Variants in SNTG2 observed in about 807,000 individuals in gnomAD.
SNTG2 encodes syntrophin gamma 2.
SNTG2 carries 74 observed loss-of-function variants against 70.9 expected under a neutral mutation model. The ratio of observed to expected loss-of-function variants is 1.04; its 90% CI spans 0.86 to 1.27. The LOEUF (loss-of-function observed/expected upper bound fraction) is 1.27, where lower values mean the gene tolerates loss of function less well. Among genes scored for constraint, SNTG2 ranks in the 50% most tolerant of loss-of-function variants. The probability of loss-of-function intolerance (pLI) is 0.00; values close to 1 mark genes in which losing one functional copy is unlikely to be tolerated. For missense variants in SNTG2, 717 were observed against 690.7 expected (o/e 1.04, Z -0.43); for synonymous variants, 278 against 273.8 (o/e 1.02, Z -0.15).
intron 14 of SNTG2, among the ~76,000 whole-genome samples, chr2:1,270,192 A>G (rs548133289): frequency 1.3e-5 from 2 of 152,172 alleles, no homozygotes; most frequent in Non-Finnish European, 1.5e-5. Context: ...CCTGACTCCT[A>G]TCAGATCTGC....
At chr2:957,619 C>G (rs565540170) in intron 1 of SNTG2, among the ~76,000 whole-genome samples, 1 of 152,160 alleles carries the variant, frequency 6.6e-6, no homozygotes, top group African/African-American at 2.4e-5. Context: ...CAAGCAGACA[C>G]GAAACAGCAC....
At position 1,137,680 on chromosome 2, in the gene SNTG2, C is replaced by T. The variant is rs376796309; in HGVS notation, c.369+15C>T. On this transcript the variant is annotated intron_variant, in intron 5 of 16. Coordinates refer to ENST00000308624, the MANE Select transcript of SNTG2 (RefSeq NM_018968.4). ...CTGTTCTCCAGGTCAGTATTGTACA[C>T]GTTAATCCTTAACTTGATTGCATTT... 2.5e-5 allele frequency: 41 copies of T among 1,613,472 alleles called. No homozygotes were observed. The highest frequency in any genetic ancestry group is 2.2e-4 in the South Asian group (20 of 91,024).
chr2:1,330,513 C>T (rs1056954266), intron 16 of SNTG2, among the ~76,000 whole-genome samples: 1 of 152,120 alleles, frequency 6.6e-6, no homozygotes, highest in Admixed American at 6.5e-5. Context: ...GTGGAGCAGG[C>T]AGTTTGACCG....
At chr2:1,163,044 A>G (rs1301019576) in intron 6 of SNTG2, among the ~76,000 whole-genome samples, 2 of 152,222 alleles carry the variant, frequency 1.3e-5, no homozygotes, top group East Asian at 3.9e-4. Context: ...ACAGGAAGGC[A>G]GTGCTGCAGG....
rs73908848 is a variant in SNTG2, at chr2:1,316,824, T to A, written c.1488+449T>A. Among the ~76,000 whole-genome samples, 229 of 91,142 alleles carry A rather than the reference T, an allele frequency of 2.5e-3. 30 individuals carry two copies. Among genetic ancestry groups the A allele is most frequent in the Middle Eastern group, 9.4e-3 (1 of 106 alleles). 59.8% of individuals were successfully genotyped at this position (91,142 alleles called of 152,430 possible). A position where few individuals can be genotyped will look rare whatever the true frequency, so the allele number is the denominator to read the frequency against. ...GGAGAAGGTTGGGATTCTGGAGCATTTAGCATGAGGCCAGCATTGGAGAAG... is the reference window on the plus strand; with the variant it reads ...GGAGAAGGTTGGGATTCTGGAGCATATAGCATGAGGCCAGCATTGGAGAAG... On this transcript the variant is annotated intron_variant, in intron 16 of 16. Transcript: ENST00000308624.
intron 8 of SNTG2, among the ~76,000 whole-genome samples, chr2:1,196,334 G>T (rs995189208): frequency 2.0e-5 from 3 of 151,692 alleles, no homozygotes; most frequent in African/African-American, 4.8e-5. Context: ...ACAAACAAAA[G>T]AAAAAATAAA....
intron 9 of SNTG2, among the ~76,000 whole-genome samples, chr2:1,226,967 C>T (rs1484693056): frequency 1.3e-5 from 2 of 152,210 alleles, no homozygotes; most frequent in African/African-American, 4.8e-5. Context: ...CACTTCACAG[C>T]ACCTGTAACA....
At chr2:1,278,471 G>A (rs1679360889) in intron 14 of SNTG2, among the ~76,000 whole-genome samples, 1 of 152,178 alleles carries the variant, frequency 6.6e-6, no homozygotes, top group African/African-American at 2.4e-5. Flanking sequence ...TATTGTTTAT[G>A]GAGGACAGGA....
chr2:1,128,511 T>C (rs1667839123), intron 4 of SNTG2, among the ~76,000 whole-genome samples: 1 of 152,218 alleles, frequency 6.6e-6, no homozygotes, highest in Admixed American at 6.5e-5. Flanking sequence ...ATAACTTTCA[T>C]TATTTCTCTT....
intron 14 of SNTG2, among the ~76,000 whole-genome samples, chr2:1,307,376 T>C (rs1680741335): frequency 6.8e-6 from 1 of 147,578 alleles, no homozygotes; most frequent in Non-Finnish European, 1.5e-5. Flanking sequence ...TGTGTATATA[T>C]GGTGTTAGCG....
chr2:964,989 G>C (rs890698528), intron 1 of SNTG2, among the ~76,000 whole-genome samples: 1 of 58,332 alleles, frequency 1.7e-5, no homozygotes, highest in African/African-American at 1.8e-4. Flanking sequence ...CCACCTCCTT[G>C]GCCACCTTTG....
Position 1,126,237 on chromosome 2 carries a change from G to T in SNTG2, c.326-11385G>T, listed in dbSNP as rs572937897. 3.3e-5 allele frequency among the ~76,000 whole-genome samples: 5 copies of T among 152,286 alleles called. No individual in the cohort carries two copies. In the South Asian group the frequency reaches 1.0e-3, roughly 32 times the overall value. Reference sequence around the variant, plus strand: ...CCGCATATGAGTGAGAACATGCAGTGTTTAACTTCCTGGGCCTGGCTGACT... The same window carrying T: ...CCGCATATGAGTGAGAACATGCAGTTTTTAACTTCCTGGGCCTGGCTGACT... On this transcript the variant is annotated intron_variant, in intron 4 of 16. Coordinates refer to ENST00000308624, the MANE Select transcript of SNTG2 (RefSeq NM_018968.4).
At chr2:1,042,399 G>C (rs930934738) in intron 1 of SNTG2, among the ~76,000 whole-genome samples, 7 of 152,016 alleles carry the variant, frequency 4.6e-5, no homozygotes, top group African/African-American at 1.2e-4. Context: ...TTAGGTTCGG[G>C]GGTACACGTG....
intron 1 of SNTG2, among the ~76,000 whole-genome samples, chr2:1,037,748 C>G (rs949943311): frequency 1.7e-4 from 26 of 152,242 alleles, no homozygotes; most frequent in African/African-American, 6.0e-4. Context: ...TTTGGGGGTT[C>G]ATTTTTGTTG....
At chr2:1,256,225 A>G (rs558277588) in intron 12 of SNTG2, among the ~76,000 whole-genome samples, 3 of 152,108 alleles carry the variant, frequency 2.0e-5, no homozygotes, top group East Asian at 1.9e-4. Context: ...TATATGCTCC[A>G]TTAGAACCTA....
chr2:1,246,821 G>A (rs1355756846), intron 11 of SNTG2, among the ~76,000 whole-genome samples: 1 of 151,810 alleles, frequency 6.6e-6, no homozygotes. Flanking sequence ...TATATCATAC[G>A]GCTCAAAATA....
intron 8 of SNTG2, among the ~76,000 whole-genome samples, chr2:1,207,235 C>T (rs921269759): frequency 6.6e-6 from 1 of 152,212 alleles, no homozygotes; most frequent in Non-Finnish European, 1.5e-5. Context: ...AAAGGTGAAT[C>T]TCTTACCAGA....
chr2:1,003,832 CATT>C (rs1265091727), intron 1 of SNTG2, among the ~76,000 whole-genome samples: 1 of 152,160 alleles, frequency 6.6e-6, no homozygotes, highest in East Asian at 1.9e-4. Flanking sequence ...ACTTATGTAA[CATT>C]GTTGAAACAT....
intron 1 of SNTG2, among the ~76,000 whole-genome samples, chr2:1,012,046 T>A (rs1363527426): frequency 6.6e-6 from 1 of 152,230 alleles, no homozygotes; most frequent in East Asian, 1.9e-4. Flanking sequence ...ACAGTTAGAT[T>A]CCTGGATCTT....
Sources: gnomAD v4.1 joint callset for allele counts (sites outside exome capture counted in the v4.1 genomes callset) on GRCh38, gnomAD v4.1.1 for gene constraint, MANE v1.5 for transcripts, NCBI Gene and HGNC (gene_info 2026-07-23, HGNC 2026-07-21) for gene names.